The following ALG10B variants were observed in gnomAD, a reference collection of about 807,000 sequenced individuals.
ALG10B encodes the protein ALG10 alpha-1,2-glucosyltransferase B.
In ALG10B, 27 loss-of-function variants were observed where a neutral mutation model predicts 38.7. The ratio of observed to expected loss-of-function variants is 0.70; its 90% CI spans 0.51 to 0.96. The LOEUF (loss-of-function observed/expected upper bound fraction) is 0.96, where lower values mean the gene tolerates loss of function less well. Among genes scored for constraint, ALG10B ranks in the 40% least tolerant of loss-of-function variants. The pLI is 0.00. For missense variants in ALG10B, 522 were observed against 542.7 expected (o/e 0.96, Z 0.38); for synonymous variants, 177 against 193.3 (o/e 0.92, Z 0.70).
rs747506315 is a variant in ALG10B at position 38,316,880 on chromosome 12, C to G, written c.-14C>G. ...CCAGGAGTGGGTTCTTGGGCAGTGGCTGTGGGAGCAGGAATGGCGCAGCTA... is the reference window on the plus strand; with the variant it reads ...CCAGGAGTGGGTTCTTGGGCAGTGGGTGTGGGAGCAGGAATGGCGCAGCTA... On this transcript the variant is annotated 5_prime_UTR_variant, in exon 1 of 3. Coordinates refer to ENST00000308742, the MANE Select transcript of ALG10B (RefSeq NM_001013620.4). 1 of 1,614,092 alleles carries G rather than the reference C, an allele frequency of 6.2e-7. No homozygotes were observed. The highest frequency in any genetic ancestry group is 8.5e-7 in the Non-Finnish European group (1 of 1,179,986).
rs1262583989 is a variant in ALG10B, at chr12:38,327,031, A to C, written c.*5818A>C. 1.3e-5 allele frequency: 2 copies of C among 149,466 alleles called. No individual in the cohort carries two copies. The highest frequency in any genetic ancestry group is 4.9e-5 in the African/African-American group (2 of 40,982). The allele number at this position is 149,466 out of a possible 1,614,324, so 9.3% of individuals were successfully genotyped here. A position where few individuals can be genotyped will look rare whatever the true frequency, so the allele number is the denominator to read the frequency against. The stretch of plus-strand genomic sequence containing the variant: ...CTAACAAGGAAAAGAAAATACATAT[A>C]TATATATTTATATATACAAATATAT... On this transcript the variant is annotated 3_prime_UTR_variant, in exon 3 of 3. Coordinates refer to ENST00000308742, the MANE Select transcript of ALG10B (RefSeq NM_001013620.4).
At position 38,325,495 on chromosome 12, in the gene ALG10B, A is replaced by G. The variant is rs1945736757; in HGVS notation, c.*4282A>G. 1 of 152,160 alleles carries G rather than the reference A, an allele frequency of 6.6e-6. No individual in the cohort carries two copies. Among genetic ancestry groups the G allele is most frequent in the East Asian group, 1.9e-4 (1 of 5,204 alleles). 9.4% of individuals were successfully genotyped at this position (152,160 alleles called of 1,614,324 possible). On this transcript the variant is annotated 3_prime_UTR_variant, in exon 3 of 3. Coordinates refer to ENST00000308742, the MANE Select transcript of ALG10B (RefSeq NM_001013620.4). ...ACTGTTATTTTGGACTCACTTTTAA[A>G]TAAAATATTTATTCACATGAAGAAA...
Position 38,323,660 on chromosome 12 carries a change from G to C in ALG10B, c.*2447G>C. The C allele has an allele frequency of 2.2e-6, 1 of 447,564 alleles. No individual in the cohort carries two copies. The highest frequency in any genetic ancestry group is 4.0e-6 in the Non-Finnish European group (1 of 252,090). The allele number at this position is 447,564 out of a possible 1,614,324, so 27.7% of individuals were successfully genotyped here. A position where few individuals can be genotyped will look rare whatever the true frequency, so the allele number is the denominator to read the frequency against. On this transcript the variant is annotated 3_prime_UTR_variant, in exon 3 of 3. Transcript: ENST00000308742. ...AGTATAATTTGAGTAATAAATGCAG[G>C]CCATTTTTTGGTTGTACTCTAGTAC...
intron 2 of ALG10B, among the ~76,000 whole-genome samples, chr12:38,318,849 G>T (rs547363410): frequency 3.2e-4 from 48 of 152,272 alleles, no homozygotes; most frequent in Non-Finnish European, 5.9e-4. Context: ...TGCAGGCCCC[G>T]GAGGTCGATT....
chr12:38,320,157 C>T lies in ALG10B; in HGVS notation c.370-4C>T. On this transcript the variant is annotated splice_region_variant and splice_polypyrimidine_tract_variant and intron_variant, in intron 2 of 2. Coordinates refer to ENST00000308742, the MANE Select transcript of ALG10B (RefSeq NM_001013620.4). Reference sequence around the variant, plus strand: ...ATTGTATCTGTGTTTTTTCTTCCTCCAAGGCTGCCTCAAGTATCCAGAGAG... The same window carrying T: ...ATTGTATCTGTGTTTTTTCTTCCTCTAAGGCTGCCTCAAGTATCCAGAGAG... 1 of 1,613,850 alleles carries T rather than the reference C, an allele frequency of 6.2e-7. No individual in the cohort carries two copies. Among genetic ancestry groups the T allele is most frequent in the Non-Finnish European group, 8.5e-7 (1 of 1,179,832 alleles).
intron 2 of ALG10B, 88 bp downstream of exon 2, chr12:38,318,546 G>A: frequency 2.9e-6 from 4 of 1,385,940 alleles, no homozygotes; most frequent in Non-Finnish European, 4.1e-6. Context: ...GGTGAAAAAT[G>A]TCTTTAACAC....
At position 38,327,227 on chromosome 12, in the gene ALG10B, T is replaced by G. The variant is rs1945752944; in HGVS notation, c.*6014T>G. 1 of 151,694 alleles carries G rather than the reference T, an allele frequency of 6.6e-6. No individual in the cohort carries two copies. The highest frequency in any genetic ancestry group is 1.5e-5 in the Non-Finnish European group (1 of 67,912). 9.4% of individuals were successfully genotyped at this position (151,694 alleles called of 1,614,324 possible). ...CTCCCACCTTGGCCTCCCAAAGTGC[T>G]AGGATTTACAATGAGCCACTGTGCC... On this transcript the variant is annotated 3_prime_UTR_variant, in exon 3 of 3. Coordinates refer to ENST00000308742, the MANE Select transcript of ALG10B (RefSeq NM_001013620.4).
At position 38,328,699 on chromosome 12, in the gene ALG10B, A is replaced by G. The variant is rs1252286098; in HGVS notation, c.*7486A>G. The G allele has an allele frequency of 6.7e-6, 1 of 150,128 alleles. No homozygotes were observed. Among genetic ancestry groups the G allele is most frequent in the Non-Finnish European group, 1.5e-5 (1 of 68,164 alleles). 9.3% of individuals were successfully genotyped at this position (150,128 alleles called of 1,614,324 possible). ...ATAAATGTAAAAAAAACAAACAAAA[A>G]AAACCTCACTTTGTGTTTTGTAATC... On this transcript the variant is annotated 3_prime_UTR_variant, in exon 3 of 3. Coordinates refer to ENST00000308742, the MANE Select transcript of ALG10B (RefSeq NM_001013620.4).
rs986842911 is a variant in ALG10B, at chr12:38,323,941, T to G, written c.*2728T>G. The stretch of plus-strand genomic sequence containing the variant: ...TACTTCTGAGAGGAGAAGCTTCCAC[T>G]CTGATCTAGTCTGGCAAAATTGAGG... On this transcript the variant is annotated 3_prime_UTR_variant, in exon 3 of 3. Transcript: ENST00000308742. The G allele has an allele frequency of 6.6e-5, 46 of 701,870 alleles. No homozygotes were observed. In the African/African-American group the frequency reaches 7.2e-4, roughly 11 times the overall value. The allele number at this position is 701,870 out of a possible 1,614,324, so 43.5% of individuals were successfully genotyped here.
At chr12:38,318,147 C>A (rs1945672171) in intron 1 of ALG10B, 114 bp from the exon 2 acceptor site, 2 of 1,371,280 alleles carry the variant, frequency 1.5e-6, no homozygotes, top group Non-Finnish European at 1.0e-6. Flanking sequence ...TTGTCATAGA[C>A]TAACTTCTCA....
In ALG10B at chr12:38,329,647, C is replaced by T. The variant is rs1483322321; in HGVS notation, c.*8434C>T. The T allele has an allele frequency of 1.3e-5, 2 of 155,828 alleles. No individual in the cohort carries two copies. The highest frequency in any genetic ancestry group is 3.7e-4 in the East Asian group (2 of 5,362). 9.7% of individuals were successfully genotyped at this position (155,828 alleles called of 1,614,324 possible). On this transcript the variant is annotated 3_prime_UTR_variant, in exon 3 of 3. Transcript: ENST00000308742. ...TTATTTAAAACTGCTTTTCAGTCAA[C>T]TTATTCTTTATAAAAAAGTTTGTTC...
Position 38,328,072 on chromosome 12 carries a change from G to T in ALG10B, c.*6859G>T, listed in dbSNP as rs1194856917. The T allele has an allele frequency of 2.6e-5, 4 of 152,246 alleles. No individual in the cohort carries two copies. The South Asian group carries it at 6.2e-4, about 24-fold the overall frequency. 9.4% of individuals were successfully genotyped at this position (152,246 alleles called of 1,614,324 possible). On this transcript the variant is annotated 3_prime_UTR_variant, in exon 3 of 3. Coordinates refer to ENST00000308742, the MANE Select transcript of ALG10B (RefSeq NM_001013620.4). ...TAAGATTCTCATTCATTGGAGATAA[G>T]ATTTCTATTTATCAAAGATACTACA...
At position 38,326,320 on chromosome 12, in the gene ALG10B, G is replaced by C. The variant is rs1945744063; in HGVS notation, c.*5107G>C. 6.6e-6 allele frequency: 1 copy of C among 151,822 alleles called. No individual in the cohort carries two copies. Among genetic ancestry groups the C allele is most frequent in the Non-Finnish European group, 1.5e-5 (1 of 67,950 alleles). The allele number at this position is 151,822 out of a possible 1,614,324, so 9.4% of individuals were successfully genotyped here. A position where few individuals can be genotyped will look rare whatever the true frequency, so the allele number is the denominator to read the frequency against. ...GGAAGCCAAAAGATTGGAGACCCCT[G>C]CTAGCATTTAATGCTTATACATGTA... On this transcript the variant is annotated 3_prime_UTR_variant, in exon 3 of 3. Coordinates refer to ENST00000308742, the MANE Select transcript of ALG10B (RefSeq NM_001013620.4).
rs989239529 is a variant in ALG10B at position 38,322,647 on chromosome 12, G to A, written c.*1434G>A. On this transcript the variant is annotated 3_prime_UTR_variant, in exon 3 of 3. Coordinates refer to ENST00000308742, the MANE Select transcript of ALG10B (RefSeq NM_001013620.4). ...AATGTACTCTCAACAGTATTGAAAT[G>A]TACATACAGTGCTTAATTATTAGCT... is the stretch of plus-strand genomic sequence containing the variant. 1.8e-4 allele frequency: 27 copies of A among 152,126 alleles called. No individual in the cohort carries two copies. Among genetic ancestry groups the A allele is most frequent in the African/African-American group, 6.5e-4 (27 of 41,418 alleles). 9.4% of individuals were successfully genotyped at this position (152,126 alleles called of 1,614,324 possible).
intron 2 of ALG10B, among the ~76,000 whole-genome samples, chr12:38,319,508 A>ATT (rs1390663109): frequency 1.3e-5 from 2 of 152,170 alleles, no homozygotes; most frequent in Non-Finnish European, 2.9e-5. Flanking sequence ...TGATTTAGTG[A>ATT]TTTAGATTAA....
chr12:38,321,677 T>A lies in ALG10B; in HGVS notation c.*464T>A, dbSNP rs1945706561. 1 of 152,552 alleles carries A rather than the reference T, an allele frequency of 6.6e-6. No homozygotes were observed. The highest frequency in any genetic ancestry group is 1.5e-5 in the Non-Finnish European group (1 of 68,038). 9.4% of individuals were successfully genotyped at this position (152,552 alleles called of 1,614,324 possible). A position where few individuals can be genotyped will look rare whatever the true frequency, so the allele number is the denominator to read the frequency against. ...CTAATAACAATGTGTTAGCAAATAT[T>A]TACAAATGGTCAGGTGATATTCTTG... On this transcript the variant is annotated 3_prime_UTR_variant, in exon 3 of 3. Coordinates refer to ENST00000308742, the MANE Select transcript of ALG10B (RefSeq NM_001013620.4).
rs1398004397 is a variant in ALG10B at position 38,321,454 on chromosome 12, C to T, written c.*241C>T. On this transcript the variant is annotated 3_prime_UTR_variant, in exon 3 of 3. Coordinates refer to ENST00000308742, the MANE Select transcript of ALG10B (RefSeq NM_001013620.4). Reference sequence around the variant, plus strand: ...GGAAAATAAAATTGTTTTCAGATATCTCATATCGCTCTCGTAATGTTGGCC... The same window carrying T: ...GGAAAATAAAATTGTTTTCAGATATTTCATATCGCTCTCGTAATGTTGGCC... 2.9e-6 allele frequency: 1 copy of T among 339,916 alleles called. No individual in the cohort carries two copies. Among genetic ancestry groups the T allele is most frequent in the Non-Finnish European group, 5.3e-6 (1 of 189,522 alleles). 21.1% of individuals were successfully genotyped at this position (339,916 alleles called of 1,614,324 possible).
At chr12:38,320,066 G>A (rs796811371) in intron 2 of ALG10B, 95 bp from the exon 3 acceptor site, 12 of 1,437,970 alleles carry the variant, frequency 8.3e-6, no homozygotes, top group Middle Eastern at 1.8e-4. Context: ...TAAGGTTTGA[G>A]TAGTTGAGTA....
intron 1 of ALG10B, chr12:38,317,981 T>C (rs1449622489): frequency 2.3e-6 from 1 of 444,194 alleles, no homozygotes; most frequent in African/African-American, 2.0e-5. Context: ...GCAGTTTATT[T>C]ATCAAAATAA....
Sources: allele counts gnomAD v4.1 joint callset (sites outside exome capture counted in the v4.1 genomes callset), GRCh38; gene constraint gnomAD v4.1.1; transcripts MANE v1.5; gene names NCBI Gene and HGNC (gene_info 2026-07-23, HGNC 2026-07-21).